Variants in CRB1 observed in about 807,000 individuals in gnomAD.
The protein encoded by CRB1 is protein crumbs homolog 1.
Under a neutral mutation model 120.0 loss-of-function variants are expected in CRB1, and 83 were observed. That is an observed-to-expected ratio of 0.69 (90% CI 0.58 to 0.83). CRB1 has a LOEUF of 0.83. CRB1 is among the 40% of genes least tolerant of loss of function. The probability of loss-of-function intolerance (pLI) is 0.00; values close to 1 mark genes in which losing one functional copy is unlikely to be tolerated. For missense variants in CRB1, 1,699 were observed against 1,687.6 expected (o/e 1.01, Z -0.12); for synonymous variants, 625 against 612.5 (o/e 1.02, Z -0.30).
intron 9 of CRB1, chr1:197,438,245 A>G: frequency 2.9e-6 from 1 of 348,970 alleles, no homozygotes; most frequent in South Asian, 2.5e-5. Flanking sequence ...AAATCTAGTT[A>G]TAGCAAGTTC....
chr1:197,331,659 A>G (rs1318992318), intron 2 of CRB1, among the ~76,000 whole-genome samples: 1 of 152,112 alleles, frequency 6.6e-6, no homozygotes, highest in Non-Finnish European at 1.5e-5. Flanking sequence ...AGTGTCTTCC[A>G]TTTTCTGCTT....
intron 4 of CRB1, among the ~76,000 whole-genome samples, chr1:197,349,217 C>T (rs1452003932): frequency 6.6e-6 from 1 of 152,140 alleles, no homozygotes; most frequent in Non-Finnish European, 1.5e-5. Context: ...GGTTTGTAGC[C>T]TAGCAGCAAT....
chr1:197,404,582 A>G (rs1663246056), intron 5 of CRB1, among the ~76,000 whole-genome samples: 1 of 151,964 alleles, frequency 6.6e-6, no homozygotes, highest in Non-Finnish European at 1.5e-5. Context: ...ATTTTCTCCA[A>G]TTCAGACAGT....
At chr1:197,321,867 T>C (rs1205354211) in intron 1 of CRB1, among the ~76,000 whole-genome samples, 1 of 152,244 alleles carries the variant, frequency 6.6e-6, no homozygotes, top group Non-Finnish European at 1.5e-5. Context: ...AATTTGAATA[T>C]ACATCACAGT....
In CRB1 at chr1:197,434,695, T is replaced by C; in HGVS notation, c.2843-11T>C. The C allele has an allele frequency of 6.2e-7, 1 of 1,607,250 alleles. No homozygotes were observed. Among genetic ancestry groups the C allele is most frequent in the Non-Finnish European group, 8.5e-7 (1 of 1,174,246 alleles). ...ATAAAGTTATTGATTATTATCACCT[T>C]CTCTCATTAGGTATTGCAAATGCTG... is the stretch of plus-strand genomic sequence containing the variant. On this transcript the variant is annotated splice_polypyrimidine_tract_variant and intron_variant, in intron 8 of 11. Coordinates refer to ENST00000367400, the MANE Select transcript of CRB1 (RefSeq NM_201253.3).
chr1:197,431,271 A>G (rs1182303187), intron 8 of CRB1, among the ~76,000 whole-genome samples: 1 of 152,120 alleles, frequency 6.6e-6, no homozygotes, highest in Non-Finnish European at 1.5e-5. Context: ...TATGAAATAC[A>G]TTACACTGTA....
chr1:197,368,114 G>C (rs59075794), intron 5 of CRB1, among the ~76,000 whole-genome samples: 4,677 of 152,174 alleles, frequency 0.031, 240 homozygotes, highest in African/African-American at 0.1. Context: ...TTAGGCAATG[G>C]TACAGTCAAT....
At chr1:197,464,374 A>C (rs1371295213) in intron 11 of CRB1, among the ~76,000 whole-genome samples, 1 of 152,152 alleles carries the variant, frequency 6.6e-6, no homozygotes, top group Non-Finnish European at 1.5e-5. Context: ...CCTAGTGACT[A>C]ATCATGGTTT....
At chr1:197,412,437 C>G (rs1243892772) in intron 5 of CRB1, among the ~76,000 whole-genome samples, 1 of 152,196 alleles carries the variant, frequency 6.6e-6, no homozygotes, top group African/African-American at 2.4e-5. Context: ...TACCCAAGTT[C>G]TCATAGCCTA....
chr1:197,230,680 C>T, the CRB1 span, among the ~76,000 whole-genome samples: 2 of 152,078 alleles, frequency 1.3e-5, no homozygotes, highest in African/African-American at 4.8e-5. Flanking sequence ...ATAGGTAGGA[C>T]TAGAAAGATC....
At chr1:197,362,269 A>G (rs1446078224) in intron 5 of CRB1, among the ~76,000 whole-genome samples, 1 of 152,092 alleles carries the variant, frequency 6.6e-6, no homozygotes, top group African/African-American at 2.4e-5. Context: ...TTGGCACAGG[A>G]TACAATCTAT....
chr1:197,437,861 T>G (rs1665237057), intron 9 of CRB1: 1 of 153,960 alleles, frequency 6.5e-6, no homozygotes, highest in South Asian at 2.0e-4. Flanking sequence ...TAAATATCAG[T>G]CCCTTCACAT....
chr1:197,354,786 CAG>C (rs2125349103), intron 4 of CRB1, among the ~76,000 whole-genome samples: 1 of 125,174 alleles, frequency 8.0e-6, no homozygotes, highest in South Asian at 3.1e-4. Flanking sequence ...CTGGCTCCAG[CAG>C]CCTGCTTTTA....
In CRB1 at chr1:197,268,817, A is replaced by G. The variant is rs539192409; in HGVS notation, c.70+335A>G. Among the ~76,000 whole-genome samples the G allele has an allele frequency of 4.6e-5, 7 of 152,264 alleles. No homozygotes were observed. The South Asian group carries it at 1.5e-3, about 32-fold the overall frequency. Reference sequence around the variant, plus strand: ...TTACAAAATAGATTTGGCCCTTACTAATTGATATCCTTTAAAAGGAAGTTA... The same window carrying G: ...TTACAAAATAGATTTGGCCCTTACTGATTGATATCCTTTAAAAGGAAGTTA... On this transcript the variant is annotated intron_variant, in intron 1 of 11. Coordinates refer to ENST00000367400, the MANE Select transcript of CRB1 (RefSeq NM_201253.3).
intron 5 of CRB1, among the ~76,000 whole-genome samples, chr1:197,402,883 T>C (rs1663139950): frequency 6.6e-6 from 1 of 152,234 alleles, no homozygotes; most frequent in South Asian, 2.1e-4. Context: ...TAGATTTTAA[T>C]AGCACTATTG....
intron 3 of CRB1, among the ~76,000 whole-genome samples, chr1:197,346,880 T>C (rs1477821238): frequency 6.6e-6 from 1 of 152,200 alleles, no homozygotes; most frequent in African/African-American, 2.4e-5. Flanking sequence ...TCACTTTTCA[T>C]ATGGAACCTT....
intron 11 of CRB1, among the ~76,000 whole-genome samples, chr1:197,467,100 G>A (rs1251519743): frequency 2.6e-5 from 4 of 152,180 alleles, no homozygotes; most frequent in Non-Finnish European, 5.9e-5. Context: ...AGCCAAGGAA[G>A]GGGTAATGGA....
intron 1 of CRB1, 52 bp from the exon 2 acceptor site, chr1:197,328,370 A>G (rs1239279872): frequency 4.2e-6 from 6 of 1,429,346 alleles, no homozygotes; most frequent in Non-Finnish European, 5.9e-6. Context: ...AAAGATTTTT[A>G]ACTTTGTCCT....
At chr1:197,347,891 G>C (rs1659866934) in intron 4 of CRB1, among the ~76,000 whole-genome samples, 1 of 152,084 alleles carries the variant, frequency 6.6e-6, no homozygotes, top group Non-Finnish European at 1.5e-5. Context: ...AGTTATATTT[G>C]TTAATATAAT....
Sources: gnomAD v4.1 joint callset for allele counts (sites outside exome capture counted in the v4.1 genomes callset) on GRCh38, gnomAD v4.1.1 for gene constraint, MANE v1.5 for transcripts, NCBI Gene and HGNC (gene_info 2026-07-23, HGNC 2026-07-21) for gene names.